The following COG2 variants were observed in gnomAD, a reference collection of about 807,000 sequenced individuals.
The protein encoded by COG2 is conserved oligomeric Golgi complex subunit 2.
Under a neutral mutation model 90.6 loss-of-function variants are expected in COG2, and 52 were observed. That is an observed-to-expected ratio of 0.57 (90% confidence interval 0.46 to 0.72). COG2 has a LOEUF of 0.72. Among genes scored for constraint, COG2 ranks in the 30% least tolerant of loss-of-function variants. The pLI, the probability that COG2 is intolerant of heterozygous loss-of-function variation, is 0.00. For synonymous variants in COG2, 337 were observed against 320.4 expected (o/e 1.05, Z -0.55); for missense variants, 829 against 891.2 (o/e 0.93, Z 0.89).
At chr1:230,665,964 C>T (rs1255446118) in intron 5 of COG2, among the ~76,000 whole-genome samples, 1 of 152,132 alleles carries the variant, frequency 6.6e-6, no homozygotes, top group African/African-American at 2.4e-5. Context: ...CCAGCTTTCT[C>T]CAGGGCACTG....
intron 1 of COG2, among the ~76,000 whole-genome samples, chr1:230,657,686 G>T (rs12406051): frequency 6.6e-6 from 1 of 152,034 alleles, no homozygotes; most frequent in East Asian, 1.9e-4. Flanking sequence ...CATTTTCCCC[G>T]TCACTTTCGG....
At chr1:230,644,988 A>C (rs955509592) in intron 1 of COG2, among the ~76,000 whole-genome samples, 4 of 152,178 alleles carry the variant, frequency 2.6e-5, no homozygotes, top group Non-Finnish European at 1.5e-5. Flanking sequence ...TGAGGGGTCA[A>C]AGGTGGTAAT....
At chr1:230,690,786 C>T (rs1486542293) in intron 16 of COG2, among the ~76,000 whole-genome samples, 2 of 152,074 alleles carry the variant, frequency 1.3e-5, no homozygotes, top group East Asian at 3.8e-4. Flanking sequence ...TAATTTAGAA[C>T]ATAACAATGA....
intron 15 of COG2, 152 bp downstream of exon 15, chr1:230,688,714 G>T (rs1662948985): frequency 1.1e-6 from 1 of 884,966 alleles, no homozygotes; most frequent in East Asian, 2.5e-5. Context: ...TGAAGAGAGG[G>T]AGGTTGGGCA....
At position 230,693,365 on chromosome 1, in the gene COG2, A is replaced by G. The variant is rs771271930; in HGVS notation, c.2189A>G (p.Lys730Arg). ...SALAELVAAA[K>R]DQATAEQP is the part of the protein sequence containing the mutation. ...CTCGCAGAGCTTGTTGCTGCTGCCA[A>G]GGACCAGGCAACAGCAGAGCAGCCT... The change falls in exon 18 of 18, where the codon AAG (lysine) becomes AGG (arginine). Residue 730 changes from lysine to arginine, a missense_variant. Transcript: ENST00000366669. 7 of 1,613,198 alleles carry G rather than the reference A, an allele frequency of 4.3e-6. No homozygotes were observed. In the African/African-American group the frequency reaches 6.7e-5, roughly 15 times the overall value.
At chr1:230,691,781 G>A (rs1663037244) in intron 17 of COG2, 2 of 492,200 alleles carry the variant, frequency 4.1e-6, no homozygotes, top group Non-Finnish European at 3.6e-6. Context: ...CTGGTGGCGT[G>A]CTCTCTGGTG....
At position 230,675,096 on chromosome 1, in the gene COG2, A is replaced by T; in HGVS notation, c.998A>T (p.Asn333Ile). The change falls in exon 9 of 18, where the codon AAT becomes ATT. Residue 333 changes from asparagine to isoleucine, a missense_variant. Asn to Ile is a moderately radical substitution (Grantham distance 149). Transcript: ENST00000366669. ...GAAGAAAAGTTACCCTCGCTTTTTAATCCTGGGAATCCCGATGCATTTCAT... is the reference window on the plus strand; with the variant it reads ...GAAGAAAAGTTACCCTCGCTTTTTATTCCTGGGAATCCCGATGCATTTCAT... ...GLEEKLPSLF[N>I]PGNPDAFHEK... 6.2e-7 allele frequency: 1 copy of T among 1,612,252 alleles called. No individual in the cohort carries two copies.
At chr1:230,646,961 G>A (rs978751687) in intron 1 of COG2, among the ~76,000 whole-genome samples, 2 of 151,688 alleles carry the variant, frequency 1.3e-5, no homozygotes, top group Admixed American at 6.6e-5. Flanking sequence ...ATTATCTCTG[G>A]CCATTATAAT....
chr1:230,678,095 G>A, intron 9 of COG2: 4 of 985,414 alleles, frequency 4.1e-6, no homozygotes, highest in Non-Finnish European at 4.8e-6. Context: ...ACCCTGGATT[G>A]AGCCCCTTTT....
At chr1:230,673,896 A>G (rs1662521192) in intron 8 of COG2, among the ~76,000 whole-genome samples, 1 of 152,232 alleles carries the variant, frequency 6.6e-6, no homozygotes, top group African/African-American at 2.4e-5. Context: ...GAAAATTATG[A>G]AAACTTTAAA....
chr1:230,659,998 G>A lies in COG2; in HGVS notation c.234+373G>A, dbSNP rs144156688. On this transcript the variant is annotated intron_variant, in intron 2 of 17. Transcript: ENST00000366669. ...GTTTAATTTACTTTCAGATACATACGCTAGCCACAGCTAGATTGAGAGAAC... is the reference window on the plus strand; with the variant it reads ...GTTTAATTTACTTTCAGATACATACACTAGCCACAGCTAGATTGAGAGAAC... Among the ~76,000 whole-genome samples, 13 of 152,286 alleles carry A rather than the reference G, an allele frequency of 8.5e-5. No homozygotes were observed. The South Asian group carries it at 1.7e-3, about 19-fold the overall frequency.
chr1:230,656,508 A>G (rs1271667487), intron 1 of COG2, among the ~76,000 whole-genome samples: 1 of 152,162 alleles, frequency 6.6e-6, no homozygotes, highest in East Asian at 1.9e-4. Context: ...TATGTGGCCA[A>G]TTTTAGAATA....
rs774996945 is a variant in COG2, at chr1:230,687,058, A to C, written c.1504A>C (p.Thr502Pro). The C allele has an allele frequency of 6.8e-6, 11 of 1,613,140 alleles. No homozygotes were observed. Among genetic ancestry groups the C allele is most frequent in the African/African-American group, 4.0e-5 (3 of 74,932 alleles). ...TEDQGSGPSETKPVVSISRTQ... is the reference protein window; with the variant it reads ...TEDQGSGPSEPKPVVSISRTQ... ...AGACCAAGGAAGTGGTCCTTCGGAA[A>C]CAAAGCCTGTGGTTTCCATTTCCCG... is the stretch of plus-strand genomic sequence containing the variant. Residue 502 changes from threonine (T) to proline (P), a missense_variant, in exon 13 of 18, where the codon ACA becomes CCA. By Grantham distance (38) the Thr-to-Pro change is conservative. Transcript: ENST00000366669.
chr1:230,677,059 T>G (rs1662617030), intron 9 of COG2, among the ~76,000 whole-genome samples: 1 of 152,164 alleles, frequency 6.6e-6, no homozygotes, highest in Non-Finnish European at 1.5e-5. Context: ...TTCTGGAACA[T>G]TTTTATATAT....
chr1:230,659,658 C>T (rs931388716), intron 2 of COG2, 33 bp downstream of exon 2: 1 of 1,591,392 alleles, frequency 6.3e-7, no homozygotes, highest in Non-Finnish European at 8.6e-7. Context: ...CATTTACATA[C>T]ATACAATTTC....
At chr1:230,672,257 T>A (rs904121573) in intron 8 of COG2, among the ~76,000 whole-genome samples, 2 of 152,148 alleles carry the variant, frequency 1.3e-5, no homozygotes, top group Non-Finnish European at 2.9e-5. Context: ...TCTTCATGAA[T>A]CTTTAGTGGC....
intron 9 of COG2, chr1:230,678,538 T>C: frequency 8.6e-7 from 1 of 1,162,254 alleles, no homozygotes; most frequent in Non-Finnish European, 1.1e-6. Context: ...CTTCAGAATT[T>C]TCTCCTTCTT....
At chr1:230,686,058 G>A (rs959014862) in intron 12 of COG2, among the ~76,000 whole-genome samples, 1 of 152,226 alleles carries the variant, frequency 6.6e-6, no homozygotes, top group Non-Finnish European at 1.5e-5. Context: ...GTCAGCTTTG[G>A]AGCTAATGTC....
chr1:230,644,030 T>C (rs530283350), intron 1 of COG2, among the ~76,000 whole-genome samples: 1 of 152,314 alleles, frequency 6.6e-6, no homozygotes, highest in African/African-American at 2.4e-5. Flanking sequence ...CTTGACTTCT[T>C]AAGGCTCAAC....
Sources: gnomAD v4.1 joint callset for allele counts (sites outside exome capture counted in the v4.1 genomes callset) on GRCh38, gnomAD v4.1.1 for gene constraint, MANE v1.5 for transcripts, NCBI Gene and HGNC (gene_info 2026-07-23, HGNC 2026-07-21) for gene names.